Variants in SPTBN4 observed in about 807,000 individuals in gnomAD.
The protein encoded by SPTBN4 is spectrin beta, non-erythrocytic 4, also known as spectrin beta chain, non-erythrocytic 4.
Under a neutral mutation model 277.8 loss-of-function variants are expected in SPTBN4, and 96 were observed. The observed-to-expected ratio is 0.35, with a 90% CI of 0.29 to 0.41. The LOEUF (loss-of-function observed/expected upper bound fraction) is 0.41. Among genes scored for constraint, SPTBN4 ranks in the 10% least tolerant of loss-of-function variants. SPTBN4 has a pLI of 1.00. For missense variants in SPTBN4, 3,006 were observed against 3,595.7 expected, an observed-to-expected ratio of 0.84 and a Z score of 4.19; for synonymous variants, 1,481 against 1,580.3, an observed-to-expected ratio of 0.94 and a Z score of 1.49.
rs2080453510 is a variant in SPTBN4, at chr19:40,515,992, C to T, written c.2903+544C>T. ...ATATACACATATATACGTATATATA[C>T]ACATATATACGTATATATACACACA... On this transcript the variant is annotated intron_variant, in intron 15 of 35. Coordinates refer to ENST00000598249, the MANE Select transcript of SPTBN4 (RefSeq NM_020971.3). The surrounding 1 kb of genome is among the most constrained non-coding windows in gnomAD (Gnocchi z 4.1). Among the ~76,000 whole-genome samples the T allele has an allele frequency of 6.8e-6, 1 of 146,924 alleles. No individual in the cohort carries two copies. Among genetic ancestry groups the T allele is most frequent in the Non-Finnish European group, 1.5e-5 (1 of 67,034 alleles).
Position 40,487,693 on chromosome 19 carries a change from C to T in SPTBN4, c.170-4C>T, listed in dbSNP as rs369313756. On this transcript the variant is annotated splice_polypyrimidine_tract_variant and splice_region_variant and intron_variant, in intron 2 of 35. Coordinates refer to ENST00000598249, the MANE Select transcript of SPTBN4 (RefSeq NM_020971.3). ...CTGGGGGCTCATCAGGGCCTCTCCTCCAGATGAGCGGGAAGCCGTGCAGAA... is the reference window on the plus strand; with the variant it reads ...CTGGGGGCTCATCAGGGCCTCTCCTTCAGATGAGCGGGAAGCCGTGCAGAA... The T allele has an allele frequency of 6.2e-7, 1 of 1,610,110 alleles. No individual in the cohort carries two copies. The highest frequency in any genetic ancestry group is 1.3e-5 in the African/African-American group (1 of 74,924).
chr19:40,487,548 G>T (rs1414002975), intron 2 of SPTBN4, 149 bp from the exon 3 acceptor site: 4 of 959,372 alleles, frequency 4.2e-6, no homozygotes, highest in African/African-American at 1.7e-5. Flanking sequence ...GTTTCACCAT[G>T]TTGGCCAGGC....
chr19:40,482,651 A>C (rs907604409), intron 2 of SPTBN4, among the ~76,000 whole-genome samples: 4 of 152,198 alleles, frequency 2.6e-5, no homozygotes, highest in Non-Finnish European at 4.4e-5. Context: ...TATAAAACGC[A>C]GTCGGGGTGC....
intron 22 of SPTBN4, among the ~76,000 whole-genome samples, chr19:40,552,607 G>T (rs2080931529): frequency 6.6e-6 from 1 of 152,120 alleles, no homozygotes; most frequent in Non-Finnish European, 1.5e-5. Context: ...AACAATGTAT[G>T]TTGGAAGAAT....
Position 40,472,599 on chromosome 19 carries a change from A to G in SPTBN4, c.-15-8A>G. 2 of 1,595,814 alleles carry G rather than the reference A, an allele frequency of 1.3e-6. No homozygotes were observed. The highest frequency in any genetic ancestry group is 1.7e-6 in the Non-Finnish European group (2 of 1,167,870). The stretch of plus-strand genomic sequence containing the variant: ...TCCTAGACCTAACCTACCTCTCCCT[A>G]TGTCCAGGCCTCACCTTCCCCGATG... On this transcript the variant is annotated splice_region_variant and splice_polypyrimidine_tract_variant and intron_variant, in intron 1 of 35. Transcript: ENST00000598249.
chr19:40,477,245 C>T (rs1049413616), intron 2 of SPTBN4, among the ~76,000 whole-genome samples: 7 of 151,912 alleles, frequency 4.6e-5, no homozygotes, highest in African/African-American at 1.4e-4. Flanking sequence ...GACAGGGTCT[C>T]GCAATATTTT....
intron 19 of SPTBN4, 143 bp from the exon 20 acceptor site, chr19:40,533,937 C>T: frequency 2.9e-6 from 3 of 1,044,636 alleles, no homozygotes; most frequent in Non-Finnish European, 4.1e-6. Context: ...TCATGTCTCT[C>T]TCTCCCTATG....
At chr19:40,488,106 G>T (rs1383712844) in intron 3 of SPTBN4, among the ~76,000 whole-genome samples, 1 of 152,124 alleles carries the variant, frequency 6.6e-6, no homozygotes, top group Admixed American at 6.5e-5. Context: ...TTGCGAGGCG[G>T]GGCTTCGGTG....
At chr19:40,494,549 T>A (rs977932830) in intron 5 of SPTBN4, among the ~76,000 whole-genome samples, 9 of 148,300 alleles carry the variant, frequency 6.1e-5, no homozygotes, top group African/African-American at 7.8e-5. Context: ...TATGTATGTA[T>A]GTATCTATCT....
intron 2 of SPTBN4, among the ~76,000 whole-genome samples, chr19:40,485,000 T>G (rs922222097): frequency 5.9e-5 from 9 of 151,924 alleles, no homozygotes; most frequent in Non-Finnish European, 1.0e-4. Flanking sequence ...CCCACCACCA[T>G]GCCCGCTAAT....
Position 40,546,946 on chromosome 19 carries a change from C to G in SPTBN4, c.4360-2243C>G, listed in dbSNP as rs1319033529. Among the ~76,000 whole-genome samples the G allele has an allele frequency of 3.2e-4, 49 of 152,184 alleles. 1 individual carries two copies. The highest frequency in any genetic ancestry group is 3.2e-3 in the Admixed American group (49 of 15,276). The stretch of plus-strand genomic sequence containing the variant: ...AATTCTTTGATTGTTAAACTAGTTC[C>G]TTGCACTGATACATATCAATTTTTA... On this transcript the variant is annotated intron_variant, in intron 20 of 35. Transcript: ENST00000598249.
intron 7 of SPTBN4, among the ~76,000 whole-genome samples, chr19:40,499,649 G>C (rs190359069): frequency 5.9e-5 from 9 of 151,420 alleles, no homozygotes; most frequent in African/African-American, 2.2e-4. Context: ...CTCCCACCTT[G>C]GCCTCCCAGA....
At chr19:40,500,053 G>A (rs1347738760) in intron 7 of SPTBN4, among the ~76,000 whole-genome samples, 1 of 56,708 alleles carries the variant, frequency 1.8e-5, no homozygotes, top group African/African-American at 1.4e-4. Context: ...GACCAGCCTG[G>A]GCAATGTAGT....
rs199782717 is a variant in SPTBN4 at position 40,504,069 on chromosome 19, C to T, written c.1602C>T (p.Asn534=). The T allele has an allele frequency of 1.2e-6, 2 of 1,606,346 alleles. No homozygotes were observed. Among genetic ancestry groups the T allele is most frequent in the East Asian group, 2.2e-5 (1 of 44,756 alleles). The part of the protein sequence containing the change: ...VGARRTRLEQ[N]LALQKVFQEM... The stretch of plus-strand genomic sequence containing the variant: ...CCCGGCGGACACGACTTGAGCAGAA[C>T]CTTGCCCTGCAGAAGGTCTTCCAGG... Residue 534 remains asparagine (N), a synonymous_variant, in exon 12 of 36, where the codon AAC becomes AAT. Transcript: ENST00000598249.
At position 40,502,962 on chromosome 19, in the gene SPTBN4, T is replaced by G. The variant is rs112431529; in HGVS notation, c.1362+29T>G. 6.4e-4 allele frequency: 1,034 copies of G among 1,607,858 alleles called. 7 individuals are homozygous for G. The African/African-American group carries it at 0.012, about 19-fold the overall frequency. On this transcript the variant is annotated intron_variant, in intron 11 of 35. Coordinates refer to ENST00000598249, the MANE Select transcript of SPTBN4 (RefSeq NM_020971.3). The surrounding 1 kb of genome is among the most constrained non-coding windows in gnomAD (Gnocchi z 4.9). ...CAAGGTGTAGGGCTTGGCTCCAGGG[T>G]AAAGGGACGGAGGGCGGGGCTGATG... is the stretch of plus-strand genomic sequence containing the variant.
chr19:40,489,886 G>A (rs2080117371), intron 3 of SPTBN4, among the ~76,000 whole-genome samples, 189 bp from the exon 4 acceptor site: 1 of 152,202 alleles, frequency 6.6e-6, no homozygotes, highest in Non-Finnish European at 1.5e-5. Context: ...TCTGGCTATG[G>A]GAAGAGACAG....
chr19:40,488,780 A>G (rs2080102663), intron 3 of SPTBN4, among the ~76,000 whole-genome samples: 2 of 152,144 alleles, frequency 1.3e-5, no homozygotes, highest in African/African-American at 4.8e-5. Context: ...ACTGCTCTGC[A>G]GCCTGGGCGA....
chr19:40,488,298 C>T (rs944511041), intron 3 of SPTBN4, among the ~76,000 whole-genome samples: 3 of 151,834 alleles, frequency 2.0e-5, no homozygotes, highest in Non-Finnish European at 2.9e-5. Context: ...GGGCAGTGTT[C>T]GTTGGTAGGG....
At chr19:40,570,846 T>C in intron 33 of SPTBN4, 118 bp downstream of exon 33, 3 of 1,053,314 alleles carry the variant, frequency 2.8e-6, no homozygotes, top group South Asian at 4.5e-5. Context: ...CAGGTGGCGG[T>C]AGTAGGTGGG....
Sources: gnomAD v4.1 joint callset for allele counts (sites outside exome capture counted in the v4.1 genomes callset) on GRCh38, gnomAD v4.1.1 for gene constraint, Gnocchi (gnomAD v3.1) non-coding constraint, MANE v1.5 for transcripts, NCBI Gene and HGNC (gene_info 2026-07-23, HGNC 2026-07-21) for gene names.